ANO1: variants seen among roughly 807,000 people sequenced by gnomAD.
ANO1 encodes the protein anoctamin-1.
Under a neutral mutation model 124.0 loss-of-function variants are expected in ANO1, and 59 were observed. The ratio of observed to expected loss-of-function variants is 0.48; its 90% CI spans 0.39 to 0.59. The LOEUF (loss-of-function observed/expected upper bound fraction) is 0.59, where lower values mean the gene tolerates loss of function less well. ANO1 is among the 20% of genes least tolerant of loss of function. The pLI is 0.00. For missense variants in ANO1, 1,059 were observed against 1,328.0 expected (o/e 0.80, Z 3.15); for synonymous variants, 529 against 532.0 (o/e 0.99, Z 0.08).
chr11:70,057,534 G>A (rs537834255), intron 1 of ANO1, among the ~76,000 whole-genome samples: 13 of 152,218 alleles, frequency 8.5e-5, no homozygotes, highest in Non-Finnish European at 1.6e-4. Context: ...AGTCAGCAAA[G>A]GGAGATGGGG....
intron 1 of ANO1, among the ~76,000 whole-genome samples, chr11:70,000,093 C>T (rs1238693538): frequency 5.9e-5 from 9 of 152,166 alleles, no homozygotes; most frequent in African/African-American, 9.7e-5. Flanking sequence ...ATAAGAAAAC[C>T]TTTGTAACTG....
upstream of ANO1, among the ~76,000 whole-genome samples, chr11:69,982,488 T>C (rs10793046): frequency 0.64 from 98,006 of 152,152 alleles, 32,245 homozygotes; most frequent in East Asian, 0.87. Context: ...TGTTCTACCA[T>C]GTTTCCCTGT....
At chr11:70,099,057 A>G (rs982784545) in intron 2 of ANO1, among the ~76,000 whole-genome samples, 2 of 152,126 alleles carry the variant, frequency 1.3e-5, no homozygotes, top group African/African-American at 4.8e-5. Flanking sequence ...GTCCCCTTGC[A>G]GAGCCCCATG....
In ANO1 at chr11:70,058,295, C is replaced by A. The variant is rs180697878; in HGVS notation, c.59-20247C>A. ...TGGATGGCAAGTTTTTGGGCTCTAT[C>A]CTTGAGTTTTTTTATGTTGTCATAT... On this transcript the variant is annotated intron_variant, in intron 1 of 27. Transcript: ENST00000531349. Among the ~76,000 whole-genome samples the A allele has an allele frequency of 1.3e-4, 20 of 152,186 alleles. No homozygotes were observed. The East Asian group carries it at 3.5e-3, about 26-fold the overall frequency.
intron 1 of ANO1, among the ~76,000 whole-genome samples, chr11:69,992,323 T>C (rs781945756): frequency 5.3e-5 from 8 of 152,194 alleles, no homozygotes; most frequent in Non-Finnish European, 1.2e-4. Flanking sequence ...TAATTGATAG[T>C]TGTTGACAAC....
At chr11:69,998,863 G>A (rs989053051) in intron 1 of ANO1, among the ~76,000 whole-genome samples, 3 of 151,994 alleles carry the variant, frequency 2.0e-5, no homozygotes, top group Admixed American at 6.6e-5. Flanking sequence ...CAGGAGACTC[G>A]CTTGAACCCA....
At chr11:70,168,638 G>A (rs2048343025) in intron 21 of ANO1, among the ~76,000 whole-genome samples, 1 of 152,104 alleles carries the variant, frequency 6.6e-6, no homozygotes, top group Admixed American at 6.5e-5. Flanking sequence ...TGCAGAGGGG[G>A]GGTCCCAGCA....
chr11:70,174,228 G>A (rs1040968791), intron 22 of ANO1, among the ~76,000 whole-genome samples: 1 of 151,370 alleles, frequency 6.6e-6, no homozygotes, highest in African/African-American at 2.4e-5. Context: ...GTGAGCCACC[G>A]TGCCTGGCCA....
chr11:70,179,945 G>C (rs995892278), intron 22 of ANO1, 59 bp from the exon 23 acceptor site: 1 of 1,517,358 alleles, frequency 6.6e-7, no homozygotes, highest in Non-Finnish European at 9.2e-7. Context: ...CTGCTGCCTG[G>C]TAGCTGGAAT....
chr11:70,045,754 G>C (rs1555005565), intron 1 of ANO1, among the ~76,000 whole-genome samples: 1 of 152,172 alleles, frequency 6.6e-6, no homozygotes, highest in Non-Finnish European at 1.5e-5. Flanking sequence ...GCTCTCCTCA[G>C]CAGAGCCAGA....
chr11:70,186,097 CCAA>C (rs1253090445), intron 25 of ANO1, among the ~76,000 whole-genome samples: 21 of 152,116 alleles, frequency 1.4e-4, no homozygotes, highest in Non-Finnish European at 2.8e-4. Flanking sequence ...ACCAGCCTGG[CCAA>C]CATGGTGAAA....
chr11:70,110,590 C>T (rs1007305853), intron 6 of ANO1, among the ~76,000 whole-genome samples: 1 of 152,148 alleles, frequency 6.6e-6, no homozygotes, highest in African/African-American at 2.4e-5. Flanking sequence ...CCTGATCATT[C>T]CAGGTCATTG....
chr11:69,984,851 A>G (rs2120264802), upstream of ANO1, among the ~76,000 whole-genome samples: 1 of 152,300 alleles, frequency 6.6e-6, no homozygotes, highest in African/African-American at 2.4e-5. Flanking sequence ...CTTTCAAAAG[A>G]TGAGGCGGCT....
At chr11:70,167,495 C>T in intron 21 of ANO1, 108 bp downstream of exon 21, 2 of 1,397,550 alleles carry the variant, frequency 1.4e-6, no homozygotes, top group Non-Finnish European at 9.6e-7. Context: ...CCCTGCGGTG[C>T]CCAGCGTCCC....
At chr11:69,968,766 C>G in the ANO1 span, among the ~76,000 whole-genome samples, 1 of 152,206 alleles carries the variant, frequency 6.6e-6, no homozygotes, top group Non-Finnish European at 1.5e-5. Context: ...CAGAGGCCAG[C>G]CTCCACCTCT....
intron 11 of ANO1, among the ~76,000 whole-genome samples, chr11:70,149,307 G>C (rs2047504066): frequency 6.6e-6 from 1 of 152,206 alleles, no homozygotes; most frequent in Admixed American, 6.5e-5. Flanking sequence ...GAATTCACAT[G>C]AAGTTCTCAG....
intron 1 of ANO1, among the ~76,000 whole-genome samples, chr11:70,062,910 T>TG (rs1555007966): frequency 6.6e-6 from 1 of 152,126 alleles, no homozygotes; most frequent in East Asian, 1.9e-4. Flanking sequence ...ATGTTGTTTT[T>TG]TTGTTGTTGT....
At chr11:70,036,666 A>G (rs1250405114) in intron 1 of ANO1, among the ~76,000 whole-genome samples, 1 of 152,068 alleles carries the variant, frequency 6.6e-6, no homozygotes, top group Non-Finnish European at 1.5e-5. Context: ...GGAGTGCAGT[A>G]GCACGATCTC....
intron 1 of ANO1, among the ~76,000 whole-genome samples, chr11:70,053,383 T>G (rs2135088459): frequency 6.6e-6 from 1 of 152,338 alleles, no homozygotes; most frequent in Non-Finnish European, 1.5e-5. Context: ...TTCAATACCT[T>G]ACTATTTAAC....
Sources: gnomAD v4.1 joint callset for allele counts (sites outside exome capture counted in the v4.1 genomes callset) on GRCh38, gnomAD v4.1.1 for gene constraint, MANE v1.5 for transcripts, NCBI Gene and HGNC (gene_info 2026-07-23, HGNC 2026-07-21) for gene names.